The following MAF variants were observed in gnomAD, a reference collection of about 807,000 sequenced individuals.
The protein encoded by MAF is transcription factor Maf.
Under a neutral mutation model 22.0 loss-of-function variants are expected in MAF, and 10 were observed. The observed-to-expected ratio is 0.45, with a 90% CI of 0.28 to 0.77. MAF has a LOEUF of 0.77. Among genes scored for constraint, MAF ranks in the 30% least tolerant of loss-of-function variants. The probability of loss-of-function intolerance (pLI) is 0.12; values close to 1 mark genes in which losing one functional copy is unlikely to be tolerated. For synonymous variants in MAF, 337 were observed against 255.8 expected (o/e 1.32, Z -3.03); for missense variants, 544 against 548.4 (o/e 0.99, Z 0.08).
chr16:79,312,118 T>TTCA, the MAF span, among the ~76,000 whole-genome samples: 77 of 151,870 alleles, frequency 5.1e-4, no homozygotes, highest in Middle Eastern at 3.4e-3. Flanking sequence ...TTCTACCCCC[T>TTCA]TCATCATCAT....
the MAF span, among the ~76,000 whole-genome samples, chr16:79,404,490 G>A: frequency 6.6e-6 from 1 of 152,162 alleles, no homozygotes; most frequent in Non-Finnish European, 1.5e-5. Flanking sequence ...TTTTCCCCTT[G>A]AAGAGCTAGA....
chr16:79,289,751 A>T, the MAF span, among the ~76,000 whole-genome samples: 5 of 152,240 alleles, frequency 3.3e-5, no homozygotes, highest in African/African-American at 1.2e-4. Context: ...ACTCATGAGA[A>T]AACAGAGGGA....
the MAF span, among the ~76,000 whole-genome samples, chr16:79,326,732 A>ACTT: frequency 6.6e-6 from 1 of 152,156 alleles, no homozygotes; most frequent in Non-Finnish European, 1.5e-5. Flanking sequence ...TTCCAATAAA[A>ACTT]CTTTATTTAC....
the MAF span, among the ~76,000 whole-genome samples, chr16:79,259,113 C>G: frequency 5.3e-5 from 8 of 152,206 alleles, no homozygotes; most frequent in Admixed American, 3.3e-4. Context: ...TCGTGTAAAA[C>G]TCACCGATGG....
chr16:79,274,625 T>A, the MAF span, among the ~76,000 whole-genome samples: 1 of 152,116 alleles, frequency 6.6e-6, no homozygotes, highest in African/African-American at 2.4e-5. Context: ...TAGTCCAGGC[T>A]TTTGTGGACT....
At chr16:79,263,046 A>G in the MAF span, among the ~76,000 whole-genome samples, 1 of 152,226 alleles carries the variant, frequency 6.6e-6, no homozygotes, top group South Asian at 2.1e-4. Flanking sequence ...GATATTTTCC[A>G]TATTGACACA....
the MAF span, among the ~76,000 whole-genome samples, chr16:79,265,288 C>T: frequency 6.6e-6 from 1 of 152,128 alleles, no homozygotes; most frequent in Non-Finnish European, 1.5e-5. Context: ...TTAATCCTGA[C>T]TATCATTCTT....
chr16:79,211,056 T>TGTGTGTGTGTGTGC, the MAF span, among the ~76,000 whole-genome samples: 3 of 150,314 alleles, frequency 2.0e-5, no homozygotes, highest in Non-Finnish European at 4.4e-5. Flanking sequence ...TGTGTGTGTG[T>TGTGTGTGTGTGTGC]GCATTAAATG....
the MAF span, among the ~76,000 whole-genome samples, chr16:79,257,307 G>A: frequency 1.3e-5 from 2 of 152,152 alleles, no homozygotes; most frequent in East Asian, 1.9e-4. Flanking sequence ...ATTAAATAAC[G>A]TGTTATCATT....
chr16:79,206,910 G>A, the MAF span, among the ~76,000 whole-genome samples: 1 of 152,210 alleles, frequency 6.6e-6, no homozygotes, highest in East Asian at 1.9e-4. Context: ...TGGATAGTGA[G>A]TAGGGAACAA....
the MAF span, among the ~76,000 whole-genome samples, chr16:79,310,740 T>C: frequency 2.6e-5 from 4 of 151,962 alleles, no homozygotes; most frequent in Non-Finnish European, 5.9e-5. Flanking sequence ...CAGGGTGGAG[T>C]GGTGTTATCT....
chr16:79,335,041 T>C, the MAF span, among the ~76,000 whole-genome samples: 1 of 151,644 alleles, frequency 6.6e-6, no homozygotes, highest in Non-Finnish European at 1.5e-5. Flanking sequence ...AAAAATTTGC[T>C]GGGCATGGTG....
At position 79,598,793 on chromosome 16, in the gene MAF, C is replaced by G. The variant is rs775799498; in HGVS notation, c.1110G>C (p.Glu370Asp). The G allele has an allele frequency of 6.8e-6, 11 of 1,613,718 alleles. No individual in the cohort carries two copies. Among genetic ancestry groups the G allele is most frequent in the Non-Finnish European group, 9.3e-6 (11 of 1,180,002 alleles). Reference sequence around the variant, plus strand: ...TCGCGTGTCAGACTCACATGAAAAACTCGGGAGAGGACGGGTTGTCGCTGC... The same window carrying G: ...TCGCGTGTCAGACTCACATGAAAAAGTCGGGAGAGGACGGGTTGTCGCTGC... ...GSSSDNPSSP[E>D]FFITEPTRKL... is the part of the protein sequence containing the mutation. The change falls in exon 1 of 2, where the codon GAG becomes GAC. Residue 370 changes from glutamate to aspartate, a missense_variant. Coordinates refer to ENST00000326043, the MANE Select transcript of MAF (RefSeq NM_005360.5).
chr16:79,580,138 C>T, the MAF span, among the ~76,000 whole-genome samples: 20 of 152,272 alleles, frequency 1.3e-4, no homozygotes, highest in East Asian at 3.5e-3. Flanking sequence ...AAGTTGCACC[C>T]TGTATTTTTC....
the MAF span, among the ~76,000 whole-genome samples, chr16:79,268,414 G>C: frequency 6.6e-6 from 1 of 152,100 alleles, no homozygotes; most frequent in East Asian, 1.9e-4. Context: ...CTGTCAAATG[G>C]TCATAGTAAT....
At chr16:79,408,434 C>A in the MAF span, among the ~76,000 whole-genome samples, 1 of 152,100 alleles carries the variant, frequency 6.6e-6, no homozygotes, top group Non-Finnish European at 1.5e-5. Flanking sequence ...CCTCAGCCTC[C>A]CAAAGCGCTG....
chr16:79,524,745 A>T, the MAF span, among the ~76,000 whole-genome samples: 2 of 152,202 alleles, frequency 1.3e-5, no homozygotes. Flanking sequence ...AAAATATGTC[A>T]TTACTTTCTT....
the MAF span, among the ~76,000 whole-genome samples, chr16:79,272,391 G>A: frequency 6.6e-6 from 1 of 152,222 alleles, no homozygotes; most frequent in African/African-American, 2.4e-5. Flanking sequence ...AGGCTGGGGC[G>A]GGTCGCCTGC....
At chr16:79,555,104 C>A in the MAF span, among the ~76,000 whole-genome samples, 6 of 152,190 alleles carry the variant, frequency 3.9e-5, no homozygotes, top group African/African-American at 1.4e-4. Flanking sequence ...ACCTAAGGCT[C>A]TGTCTGGAAA....
Sources: allele counts gnomAD v4.1 joint callset (sites outside exome capture counted in the v4.1 genomes callset), GRCh38; gene constraint gnomAD v4.1.1; transcripts MANE v1.5; gene names NCBI Gene and HGNC (gene_info 2026-07-23, HGNC 2026-07-21).